PDE1C: variants seen among roughly 807,000 people sequenced by gnomAD.
PDE1C encodes the protein phosphodiesterase 1C, also known as dual specificity calcium/calmodulin-dependent 3',5'-cyclic nucleotide phosphodiesterase 1C.
A neutral mutation model predicts 93.1 loss-of-function variants in PDE1C; 62 were observed. That is an observed-to-expected ratio of 0.67 (90% CI 0.54 to 0.82). PDE1C has a LOEUF of 0.82. Among genes scored for constraint, PDE1C ranks in the 40% least tolerant of loss-of-function variants. The pLI is 0.00. For missense variants in PDE1C, 742 were observed against 884.6 expected (o/e 0.84, Z 2.04); for synonymous variants, 325 against 310.1 (o/e 1.05, Z -0.50).
At chr7:31,952,242 T>C (rs192057722) in intron 2 of PDE1C, among the ~76,000 whole-genome samples, 3 of 152,222 alleles carry the variant, frequency 2.0e-5, no homozygotes, top group Admixed American at 6.6e-5. Flanking sequence ...GTACCTATAT[T>C]AGAGAACTAC....
chr7:32,383,203 G>A, intron 1 of PDE1C, among the ~76,000 whole-genome samples: 1 of 152,196 alleles, frequency 6.6e-6, no homozygotes, highest in East Asian at 1.9e-4. Context: ...GCCTGTGACT[G>A]AGGTCTGAGT....
At chr7:32,064,856 C>T (rs148539630) in intron 1 of PDE1C, among the ~76,000 whole-genome samples, 392 of 152,218 alleles carry the variant, frequency 2.6e-3, no homozygotes, top group Middle Eastern at 0.01. Flanking sequence ...TACCCAGCCT[C>T]TGCCTTCCTT....
At chr7:31,800,886 C>G (rs1051665020) in intron 16 of PDE1C, among the ~76,000 whole-genome samples, 1 of 151,180 alleles carries the variant, frequency 6.6e-6, no homozygotes, top group Non-Finnish European at 1.5e-5. Context: ...TTAAACATTA[C>G]ACTTCTAAAT....
the PDE1C span, among the ~76,000 whole-genome samples, chr7:31,657,253 T>C: frequency 9.6e-6 from 1 of 104,702 alleles, no homozygotes; most frequent in Non-Finnish European, 2.1e-5. Flanking sequence ...GAGTTGACTC[T>C]GATTTCCTGA....
chr7:32,313,093 G>A (rs1287433515), intron 1 of PDE1C, among the ~76,000 whole-genome samples: 4 of 151,906 alleles, frequency 2.6e-5, no homozygotes, highest in African/African-American at 4.9e-5. Flanking sequence ...AGTGGGCGAA[G>A]GATATGAATA....
At chr7:31,785,141 A>G (rs577364141) in intron 16 of PDE1C, 28 of 152,386 alleles carry the variant, frequency 1.8e-4, no homozygotes, top group African/African-American at 6.5e-4. Context: ...CAGGTTCAGA[A>G]GCCAGCACTC....
At chr7:32,007,443 G>A (rs1036552391) in intron 2 of PDE1C, among the ~76,000 whole-genome samples, 5 of 152,152 alleles carry the variant, frequency 3.3e-5, no homozygotes, top group African/African-American at 1.2e-4. Context: ...GCTGGGATCA[G>A]GAATATGAGC....
At chr7:31,675,853 A>C in the PDE1C span, among the ~76,000 whole-genome samples, 1 of 152,174 alleles carries the variant, frequency 6.6e-6, no homozygotes, top group Non-Finnish European at 1.5e-5. Context: ...GGAAATAGGC[A>C]AAAGGTTACC....
chr7:31,617,860 G>T, the PDE1C span, among the ~76,000 whole-genome samples: 1 of 152,204 alleles, frequency 6.6e-6, no homozygotes, highest in Non-Finnish European at 1.5e-5. Context: ...CTATTAAGAA[G>T]AGAGTTACTT....
the PDE1C span, among the ~76,000 whole-genome samples, chr7:31,620,694 G>C: frequency 6.6e-6 from 1 of 151,848 alleles, no homozygotes; most frequent in African/African-American, 2.4e-5. Context: ...ACTCTAAAAA[G>C]CAGAGCACCT....
intron 1 of PDE1C, among the ~76,000 whole-genome samples, chr7:32,214,735 G>T (rs2128848268): frequency 6.6e-6 from 1 of 152,280 alleles, no homozygotes; most frequent in African/African-American, 2.4e-5. Flanking sequence ...TAACTATGGA[G>T]ACCTATTAGT....
chr7:32,275,704 G>T (rs1480107876), intron 1 of PDE1C, among the ~76,000 whole-genome samples: 2 of 152,000 alleles, frequency 1.3e-5, no homozygotes, highest in East Asian at 3.9e-4. Context: ...CTGCAAACAG[G>T]TCCTGGAAAT....
At chr7:32,207,857 T>C (rs1391046571) in intron 2 of PDE1C, among the ~76,000 whole-genome samples, 1 of 152,120 alleles carries the variant, frequency 6.6e-6, no homozygotes, top group Non-Finnish European at 1.5e-5. Context: ...CCAACCTTCG[T>C]CTGTCTTGTA....
intron 2 of PDE1C, among the ~76,000 whole-genome samples, chr7:31,964,401 G>C (rs1429726266): frequency 6.6e-6 from 1 of 152,250 alleles, no homozygotes; most frequent in Non-Finnish European, 1.5e-5. Context: ...CAGCAGTGAG[G>C]CTGGGGGAGG....
intron 1 of PDE1C, among the ~76,000 whole-genome samples, chr7:32,389,202 T>TTTGTTTG (rs1554316209): frequency 1.5e-4 from 21 of 136,146 alleles, no homozygotes; most frequent in Non-Finnish European, 2.8e-4. Context: ...TTTTTTTGGT[T>TTTGTTTG]TTTGTTTGTT....
chr7:32,133,335 T>G (rs1291384150), intron 3 of PDE1C, among the ~76,000 whole-genome samples: 1 of 152,198 alleles, frequency 6.6e-6, no homozygotes, highest in Non-Finnish European at 1.5e-5. Flanking sequence ...AGGAAGGTTT[T>G]GGAGGAAGTT....
chr7:31,976,080 G>T (rs1811625389), intron 2 of PDE1C, among the ~76,000 whole-genome samples: 1 of 152,176 alleles, frequency 6.6e-6, no homozygotes, highest in South Asian at 2.1e-4. Flanking sequence ...GTTTAAGAAG[G>T]TTGGAAAATA....
At chr7:32,259,325 A>G (rs1438060966) in intron 1 of PDE1C, among the ~76,000 whole-genome samples, 1 of 152,092 alleles carries the variant, frequency 6.6e-6, no homozygotes, top group African/African-American at 2.4e-5. Context: ...TCTCCCTTCC[A>G]TCATCAGCTC....
chr7:31,998,058 T>C (rs1048404572), intron 2 of PDE1C, among the ~76,000 whole-genome samples: 8 of 152,040 alleles, frequency 5.3e-5, no homozygotes, highest in Non-Finnish European at 7.4e-5. Context: ...CTCACTCTGT[T>C]GCCCAGGCTG....
Sources: allele counts gnomAD v4.1 joint callset (sites outside exome capture counted in the v4.1 genomes callset), GRCh38; gene constraint gnomAD v4.1.1; transcripts MANE v1.5; gene names NCBI Gene and HGNC (gene_info 2026-07-23, HGNC 2026-07-21).